The following GLI2 variants were observed in gnomAD, a reference collection of about 807,000 sequenced individuals.
The protein encoded by GLI2 is transcription activator GLI2.
In GLI2, 22 loss-of-function variants were observed where a neutral mutation model predicts 78.9. The ratio of observed to expected loss-of-function variants is 0.28; its 90% confidence interval spans 0.20 to 0.40. GLI2 has a LOEUF of 0.40. Among genes scored for constraint, GLI2 ranks in the 10% least tolerant of loss-of-function variants. GLI2 has a pLI of 1.00. For missense variants in GLI2, 2,097 were observed against 2,213.2 expected, an observed-to-expected ratio of 0.95 and a Z score of 1.05; for synonymous variants, 974 against 963.7, an observed-to-expected ratio of 1.01 and a Z score of -0.20.
At chr2:120,899,125 G>A (rs924108290) in intron 2 of GLI2, among the ~76,000 whole-genome samples, 5 of 152,262 alleles carry the variant, frequency 3.3e-5, no homozygotes, top group South Asian at 2.1e-4. Flanking sequence ...CCTGCACCCC[G>A]CCAGGAGAGC....
At chr2:120,950,931 G>A (rs371566452) in intron 3 of GLI2, among the ~76,000 whole-genome samples, 6 of 152,376 alleles carry the variant, frequency 3.9e-5, no homozygotes, top group Middle Eastern at 3.4e-3. Flanking sequence ...CAACTGTGAC[G>A]TGTGGGCGGC....
chr2:120,971,403 C>A (rs1182868028), intron 7 of GLI2, among the ~76,000 whole-genome samples: 1 of 152,262 alleles, frequency 6.6e-6, no homozygotes, highest in Non-Finnish European at 1.5e-5. Flanking sequence ...GACACCATGT[C>A]CTCTAGAAGT....
chr2:120,829,986 T>A (rs943327987), intron 2 of GLI2, among the ~76,000 whole-genome samples: 23 of 152,194 alleles, frequency 1.5e-4, no homozygotes, highest in Admixed American at 6.5e-5. Context: ...TGTATATATG[T>A]GCACGTGTGT....
intron 2 of GLI2, among the ~76,000 whole-genome samples, chr2:120,894,826 G>A (rs955648050): frequency 6.6e-6 from 1 of 152,180 alleles, no homozygotes; most frequent in African/African-American, 2.4e-5. Flanking sequence ...AGCCTCCGGA[G>A]TAGCTGGGAC....
intron 1 of GLI2, among the ~76,000 whole-genome samples, chr2:120,748,396 G>A (rs1178179507): frequency 1.3e-5 from 2 of 152,194 alleles, no homozygotes; most frequent in Non-Finnish European, 2.9e-5. Flanking sequence ...TCAAAGAGAG[G>A]GCCAGACTGG....
At chr2:120,786,740 CTAG>C (rs1684008160) in intron 1 of GLI2, among the ~76,000 whole-genome samples, 1 of 151,942 alleles carries the variant, frequency 6.6e-6, no homozygotes, top group Admixed American at 6.6e-5. Context: ...TACAAGTTGA[CTAG>C]TGTGCCTCCT....
chr2:120,840,995 G>C (rs1162586535), intron 2 of GLI2, among the ~76,000 whole-genome samples: 1 of 152,156 alleles, frequency 6.6e-6, no homozygotes, highest in African/African-American at 2.4e-5. Context: ...TTCCTTGCCA[G>C]CTGAAATGTG....
At chr2:120,817,783 A>C in intron 2 of GLI2, among the ~76,000 whole-genome samples, 1 of 150,724 alleles carries the variant, frequency 6.6e-6, no homozygotes, top group Non-Finnish European at 1.5e-5. Context: ...CCCATCCCAC[A>C]TCACCTGGCC....
chr2:120,938,425 A>T (rs1017333150), intron 3 of GLI2, among the ~76,000 whole-genome samples: 2 of 152,252 alleles, frequency 1.3e-5, no homozygotes, highest in South Asian at 2.1e-4. Context: ...GGGTGAGTGC[A>T]TGAATCAACT....
At chr2:120,788,839 C>T (rs1358662003) in intron 1 of GLI2, among the ~76,000 whole-genome samples, 1 of 152,068 alleles carries the variant, frequency 6.6e-6, no homozygotes, top group African/African-American at 2.4e-5. Flanking sequence ...ACTTGCAGGC[C>T]CCTGGGCTGC....
rs557394830 is a variant in GLI2 at position 120,784,684 on chromosome 2, A to C, written c.-30-12607A>C. Reference sequence around the variant, plus strand: ...GCCCTGCCTCCTGCTCGCCCCCCAGACACAGCCTCCATCTGCTGTGGTCCT... The same window carrying C: ...GCCCTGCCTCCTGCTCGCCCCCCAGCCACAGCCTCCATCTGCTGTGGTCCT... On this transcript the variant is annotated intron_variant, in intron 1 of 13. Transcript: ENST00000361492. 3.4e-4 allele frequency among the ~76,000 whole-genome samples: 51 copies of C among 152,156 alleles called. 2 individuals are homozygous for C. The East Asian group carries it at 8.7e-3, about 26-fold the overall frequency.
chr2:120,933,678 G>T (rs895466823), intron 3 of GLI2, among the ~76,000 whole-genome samples: 4 of 152,198 alleles, frequency 2.6e-5, no homozygotes, highest in African/African-American at 9.7e-5. Context: ...CTAAGTTGGT[G>T]CTCCCCATTT....
intron 1 of GLI2, among the ~76,000 whole-genome samples, chr2:120,760,910 T>A (rs1683194586): frequency 6.6e-6 from 1 of 152,198 alleles, no homozygotes; most frequent in African/African-American, 2.4e-5. Context: ...GAACGCCCTC[T>A]TGCGCAATCC....
At chr2:120,939,677 G>A (rs1303316860) in intron 3 of GLI2, among the ~76,000 whole-genome samples, 1 of 152,176 alleles carries the variant, frequency 6.6e-6, no homozygotes, top group African/African-American at 2.4e-5. Context: ...TATGTTGACT[G>A]GCATTTGGGA....
chr2:120,898,652 C>T (rs183472197), intron 2 of GLI2, among the ~76,000 whole-genome samples: 308 of 152,216 alleles, frequency 2.0e-3, no homozygotes, highest in Non-Finnish European at 2.7e-3. Flanking sequence ...GTGGGCACAG[C>T]GTTTTCGGAG....
chr2:120,910,269 C>T (rs1036357815), intron 2 of GLI2, among the ~76,000 whole-genome samples: 1 of 152,210 alleles, frequency 6.6e-6, no homozygotes, highest in Non-Finnish European at 1.5e-5. Context: ...GCAGGGCCCT[C>T]AGCCACCTGG....
intron 2 of GLI2, among the ~76,000 whole-genome samples, chr2:120,921,986 A>T (rs368496496): frequency 2.6e-5 from 4 of 152,034 alleles, no homozygotes; most frequent in African/African-American, 9.7e-5. Context: ...TGCCTCATCC[A>T]TGTCTCCTCT....
chr2:120,913,742 G>C (rs1470491), intron 2 of GLI2, among the ~76,000 whole-genome samples: 7 of 152,196 alleles, frequency 4.6e-5, no homozygotes, highest in African/African-American at 1.4e-4. Flanking sequence ...CCCAGTGCTC[G>C]TTTGCTTGTC....
intron 2 of GLI2, among the ~76,000 whole-genome samples, chr2:120,848,623 C>T (rs940036717): frequency 6.6e-6 from 1 of 152,192 alleles, no homozygotes; most frequent in Non-Finnish European, 1.5e-5. Context: ...AAGAAGTCTC[C>T]TTGGCACCTT....
Sources: gnomAD v4.1 joint callset for allele counts (sites outside exome capture counted in the v4.1 genomes callset) on GRCh38, gnomAD v4.1.1 for gene constraint, MANE v1.5 for transcripts, NCBI Gene and HGNC (gene_info 2026-07-23, HGNC 2026-07-21) for gene names.